The following EYS variants were observed in gnomAD, a reference collection of about 807,000 sequenced individuals.
EYS encodes the protein EGF-like photoreceptor maintenance factor.
EYS carries 250 observed loss-of-function variants against 282.1 expected under a neutral mutation model. That is an observed-to-expected ratio of 0.89 (90% CI 0.80 to 0.98). The LOEUF (loss-of-function observed/expected upper bound fraction) is 0.98, where lower values mean the gene tolerates loss of function less well. Among genes scored for constraint, EYS ranks in the 50% least tolerant of loss-of-function variants. The pLI, the probability that EYS is intolerant of heterozygous loss-of-function variation, is 0.00. For synonymous variants in EYS, 1,355 were observed against 1,282.9 expected, an observed-to-expected ratio of 1.06 and a Z score of -1.20; for missense variants, 4,016 against 3,709.0, an observed-to-expected ratio of 1.08 and a Z score of -2.15.
intron 26 of EYS, among the ~76,000 whole-genome samples, chr6:64,550,037 T>C (rs754695816): frequency 1.9e-4 from 29 of 152,318 alleles, no homozygotes; most frequent in Middle Eastern, 3.4e-3. Context: ...GTTTCCCGCT[T>C]CATCCATGTC....
chr6:64,232,271 C>T (rs1766444948), intron 30 of EYS, among the ~76,000 whole-genome samples: 1 of 152,034 alleles, frequency 6.6e-6, no homozygotes, highest in Admixed American at 6.6e-5. Context: ...CTGTGCTTTT[C>T]TTCATTTTAT....
At chr6:64,817,978 A>G (rs556726236) in intron 21 of EYS, among the ~76,000 whole-genome samples, 1 of 152,268 alleles carries the variant, frequency 6.6e-6, no homozygotes, top group African/African-American at 2.4e-5. Context: ...TATATTCACT[A>G]CGAGTTAAAG....
intron 2 of EYS, among the ~76,000 whole-genome samples, chr6:65,568,153 T>A (rs928814885): frequency 2.6e-5 from 4 of 152,158 alleles, no homozygotes; most frequent in Non-Finnish European, 5.9e-5. Flanking sequence ...AATCCCCAAC[T>A]GAACTATTTA....
chr6:65,202,433 G>A (rs906186980), intron 12 of EYS, among the ~76,000 whole-genome samples: 3 of 152,092 alleles, frequency 2.0e-5, no homozygotes, highest in Non-Finnish European at 4.4e-5. Flanking sequence ...ATTTCCCTGA[G>A]TAGTCTGTTG....
intron 22 of EYS, among the ~76,000 whole-genome samples, chr6:64,656,780 T>C (rs1204016721): frequency 6.6e-6 from 1 of 152,204 alleles, no homozygotes; most frequent in African/African-American, 2.4e-5. Context: ...CCAGAATTTC[T>C]GTTCTGCTTT....
At chr6:63,874,066 G>T (rs1033215065) in intron 35 of EYS, among the ~76,000 whole-genome samples, 6 of 152,106 alleles carry the variant, frequency 3.9e-5, no homozygotes. Flanking sequence ...TGAAGTCCTT[G>T]CCCATGCCTA....
At chr6:64,298,516 A>G (rs201286798) in intron 30 of EYS, among the ~76,000 whole-genome samples, 1 of 152,180 alleles carries the variant, frequency 6.6e-6, no homozygotes, top group East Asian at 1.9e-4. Context: ...CATGGTAACT[A>G]CAAAGAAAAT....
intron 31 of EYS, among the ~76,000 whole-genome samples, chr6:64,204,952 C>T (rs1158696957): frequency 1.3e-5 from 2 of 152,028 alleles, no homozygotes; most frequent in Non-Finnish European, 2.9e-5. Context: ...TCAAAAAATG[C>T]ACTGATGGAT....
At chr6:64,266,806 G>C (rs977894172) in intron 30 of EYS, among the ~76,000 whole-genome samples, 4 of 152,098 alleles carry the variant, frequency 2.6e-5, no homozygotes, top group Non-Finnish European at 5.9e-5. Flanking sequence ...CAGGCACTGG[G>C]GTGTTTGGTA....
At chr6:64,259,682 AGTTCT>A (rs34629855) in intron 30 of EYS, among the ~76,000 whole-genome samples, 103,519 of 150,640 alleles carry the variant, frequency 0.69, 35,578 homozygotes, top group South Asian at 0.71. Context: ...ACACAATCTG[AGTTCT>A]GTGTGTGCAT....
At chr6:64,563,098 G>A (rs1444133234) in intron 26 of EYS, among the ~76,000 whole-genome samples, 2 of 152,040 alleles carry the variant, frequency 1.3e-5, no homozygotes, top group Non-Finnish European at 2.9e-5. Flanking sequence ...AGGTATTGAA[G>A]TAGGTACTTA....
At chr6:63,993,957 A>G (rs574890283) in intron 34 of EYS, among the ~76,000 whole-genome samples, 14 of 151,914 alleles carry the variant, frequency 9.2e-5, no homozygotes, top group African/African-American at 2.2e-4. Context: ...GTATAAACCA[A>G]TGAAACATAA....
chr6:65,345,737 C>T (rs1450571124), intron 9 of EYS, among the ~76,000 whole-genome samples: 2 of 150,944 alleles, frequency 1.3e-5, no homozygotes, highest in East Asian at 2.0e-4. Context: ...CCTCCCAAGA[C>T]CTCAAAAAAA....
chr6:64,598,792 A>C (rs1393165904), intron 24 of EYS, among the ~76,000 whole-genome samples: 1 of 152,236 alleles, frequency 6.6e-6, no homozygotes, highest in Admixed American at 6.5e-5. Context: ...AGAAATTTGA[A>C]TTAATTAATA....
At chr6:64,508,077 G>A (rs530524726) in intron 26 of EYS, among the ~76,000 whole-genome samples, 9 of 152,138 alleles carry the variant, frequency 5.9e-5, no homozygotes, top group Non-Finnish European at 1.3e-4. Flanking sequence ...ATATTTTCAC[G>A]TTAGCAGAGA....
chr6:64,884,050 G>A (rs1274811343), intron 19 of EYS, among the ~76,000 whole-genome samples: 19 of 151,442 alleles, frequency 1.3e-4, no homozygotes, highest in Admixed American at 1.3e-3. Context: ...AAGAAGTATC[G>A]AGTTAATCAC....
intron 29 of EYS, among the ~76,000 whole-genome samples, chr6:64,314,081 CAA>C (rs1244950125): frequency 2.7e-5 from 4 of 148,208 alleles, no homozygotes; most frequent in Admixed American, 1.4e-4. Context: ...GCAATTTGGA[CAA>C]AGAGTCAAGA....
At chr6:63,955,335 A>G (rs895882106) in intron 35 of EYS, among the ~76,000 whole-genome samples, 1 of 152,080 alleles carries the variant, frequency 6.6e-6, no homozygotes, top group Non-Finnish European at 1.5e-5. Flanking sequence ...ACCATAACTG[A>G]TATCTCCTGG....
chr6:65,190,785 A>C (rs1487238796), intron 12 of EYS, among the ~76,000 whole-genome samples: 2 of 151,852 alleles, frequency 1.3e-5, no homozygotes, highest in Non-Finnish European at 2.9e-5. Flanking sequence ...AATATTCCAT[A>C]ATCTGCATGT....
Sources: allele counts gnomAD v4.1 joint callset (sites outside exome capture counted in the v4.1 genomes callset), GRCh38; gene constraint gnomAD v4.1.1; transcripts MANE v1.5; gene names NCBI Gene and HGNC (gene_info 2026-07-23, HGNC 2026-07-21).